The following ERAP1 variants were observed in gnomAD, a reference collection of about 807,000 sequenced individuals.
ERAP1 encodes the protein endoplasmic reticulum aminopeptidase 1.
In ERAP1, 86 loss-of-function variants were observed where a neutral mutation model predicts 103.7. That is an observed-to-expected ratio of 0.83 (90% confidence interval 0.70 to 0.99). ERAP1 has a LOEUF of 0.99. ERAP1 is among the 50% of genes least tolerant of loss of function. The pLI, the probability that ERAP1 is intolerant of heterozygous loss-of-function variation, is 0.00. For synonymous variants in ERAP1, 398 were observed against 402.4 expected (o/e 0.99, Z 0.13); for missense variants, 1,009 against 1,128.4 (o/e 0.89, Z 1.52).
the ERAP1 span, among the ~76,000 whole-genome samples, chr5:96,838,044 G>T: frequency 6.6e-6 from 1 of 151,682 alleles, no homozygotes; most frequent in African/African-American, 2.4e-5. Flanking sequence ...GCTTTAATGG[G>T]CACAGGGATG....
chr5:96,766,011 G>A, intron 19 of ERAP1: 1 of 1,101,404 alleles, frequency 9.1e-7, no homozygotes, highest in Non-Finnish European at 1.4e-6. Context: ...CTAAGTGAAA[G>A]AGGAAATGAA....
At chr5:96,898,310 C>T in the ERAP1 span, among the ~76,000 whole-genome samples, 2 of 152,018 alleles carry the variant, frequency 1.3e-5, no homozygotes, top group South Asian at 4.1e-4. Flanking sequence ...ATAAAGCACA[C>T]TTATGGTCCA....
the ERAP1 span, among the ~76,000 whole-genome samples, chr5:96,887,554 C>T: frequency 6.6e-6 from 1 of 152,114 alleles, no homozygotes; most frequent in African/African-American, 2.4e-5. Flanking sequence ...CCTGCCTTGG[C>T]CTCCCAAAGT....
the ERAP1 span, chr5:96,892,369 G>A: frequency 2.8e-5 from 45 of 1,613,884 alleles, no homozygotes; most frequent in Non-Finnish European, 3.6e-5. Context: ...ATAGGGAGAC[G>A]TCACTGCTTT....
chr5:96,901,552 C>CA, the ERAP1 span: 1 of 1,614,088 alleles, frequency 6.2e-7, no homozygotes, highest in Non-Finnish European at 8.5e-7. Context: ...ATGATGACTA[C>CA]ATGGACTCTC....
chr5:96,907,294 A>G, the ERAP1 span, among the ~76,000 whole-genome samples: 3 of 152,214 alleles, frequency 2.0e-5, no homozygotes, highest in African/African-American at 7.2e-5. Flanking sequence ...ACTATATAAA[A>G]AGAAAAGGAG....
chr5:96,805,348 T>TTG lies in ERAP1; in HGVS notation c.-17-1406_-17-1405insCA, dbSNP rs1778472281. Among the ~76,000 whole-genome samples the TTG allele has an allele frequency of 4.9e-5, 6 of 123,100 alleles. No homozygotes were observed. The East Asian group carries it at 9.8e-4, about 20-fold the overall frequency. The allele number at this position is 123,100 out of a possible 152,430, so 80.8% of individuals were successfully genotyped here. ...GATTGTTTAATTTCTGGTTTTTGGT[T>TTG]TTTTTTTTTAAAAAAAAAAAAAACT... On this transcript the variant is annotated intron_variant, in intron 1 of 18. Coordinates refer to ENST00000443439, the MANE Select transcript of ERAP1 (RefSeq NM_001040458.3).
upstream of ERAP1, among the ~76,000 whole-genome samples, chr5:96,809,028 C>T (rs970296201): frequency 1.2e-4 from 19 of 152,290 alleles, no homozygotes; most frequent in African/African-American, 4.3e-4. Context: ...ATATGCTAAG[C>T]GGGGGAAATT....
At chr5:96,805,984 A>G (rs772484651) in intron 1 of ERAP1, 1 of 152,344 alleles carries the variant, frequency 6.6e-6, no homozygotes, top group African/African-American at 2.4e-5. Context: ...GGTTGGGTCC[A>G]TGAGGGGTCC....
At chr5:96,909,231 G>A in the ERAP1 span, 1 of 964,966 alleles carries the variant, frequency 1.0e-6, no homozygotes, top group South Asian at 1.6e-5. Flanking sequence ...CAGCTCGGGG[G>A]ACTGACTGAT....
At position 96,763,268 on chromosome 5, in the gene ERAP1, T is replaced by A. The variant is rs766848298; in HGVS notation, c.2819-40A>T. 90 of 780,560 alleles carry A rather than the reference T, an allele frequency of 1.2e-4. 4 individuals are homozygous for A. The South Asian group carries it at 1.2e-3, about 10-fold the overall frequency. The allele number at this position is 780,560 out of a possible 1,614,324, so 48.4% of individuals were successfully genotyped here. On this transcript the variant is annotated intron_variant, in intron 19 of 19. Transcript: ENST00000296754. ...AGGCACAAATGACAAAGCCCAGACC[T>A]GGCCCCGGGCAGCTCTACCATTAGC...
chr5:96,895,496 C>T, the ERAP1 span: 29,915 of 657,732 alleles, frequency 0.045, 889 homozygotes, highest in Middle Eastern at 0.098. Context: ...GTTTGATACA[C>T]GAAACAGATC....
At chr5:96,872,778 A>T in the ERAP1 span, among the ~76,000 whole-genome samples, 9 of 152,336 alleles carry the variant, frequency 5.9e-5, no homozygotes, top group Non-Finnish European at 1.2e-4. Context: ...TATTTTAAGA[A>T]GATGTTTCAA....
At chr5:96,763,008 C>T in exon 20 of ERAP1, 2 of 661,348 alleles carry the variant, frequency 3.0e-6, no homozygotes, top group South Asian at 3.3e-5. Context: ...TTATACATTA[C>T]CAAGGAGACC....
the ERAP1 span, among the ~76,000 whole-genome samples, chr5:96,828,845 C>CT: frequency 1.3e-4 from 19 of 151,298 alleles, no homozygotes; most frequent in East Asian, 2.9e-3. Context: ...TTCTTCGTGA[C>CT]TTTTTTTTTA....
chr5:96,891,023 G>A, the ERAP1 span, among the ~76,000 whole-genome samples: 1 of 152,120 alleles, frequency 6.6e-6, no homozygotes, highest in African/African-American at 2.4e-5. Context: ...AATCATCAAT[G>A]CGATTTAGAA....
At chr5:96,879,561 T>TAG in the ERAP1 span, 1 of 677,780 alleles carries the variant, frequency 1.5e-6, no homozygotes, top group East Asian at 2.7e-5. Flanking sequence ...TTTTTTCTTC[T>TAG]AGATTAAATT....
the ERAP1 span, among the ~76,000 whole-genome samples, chr5:96,838,171 G>T: frequency 6.6e-6 from 1 of 152,138 alleles, no homozygotes; most frequent in African/African-American, 2.4e-5. Context: ...TCCTCGCAGC[G>T]AACCTGCCCT....
At chr5:96,838,855 G>A in the ERAP1 span, among the ~76,000 whole-genome samples, 1 of 152,116 alleles carries the variant, frequency 6.6e-6, no homozygotes, top group East Asian at 1.9e-4. Context: ...CAATTCTGAT[G>A]TGAACTACCT....
Sources: allele counts gnomAD v4.1 joint callset (sites outside exome capture counted in the v4.1 genomes callset), GRCh38; gene constraint gnomAD v4.1.1; transcripts MANE v1.5; gene names NCBI Gene and HGNC (gene_info 2026-07-23, HGNC 2026-07-21).